RFC3: variants seen among roughly 807,000 people sequenced by gnomAD.
The protein encoded by RFC3 is replication factor C subunit 3, also known as A1 38 kDa subunit.
A neutral mutation model predicts 45.1 loss-of-function variants in RFC3; 41 were observed. The ratio of observed to expected loss-of-function variants is 0.91; its 90% CI spans 0.71 to 1.18. The LOEUF is 1.18. Ranked by LOEUF, RFC3 falls within the 50% of genes most tolerant of loss-of-function variation. RFC3 has a pLI of 0.00. For missense variants in RFC3, 423 were observed against 428.1 expected (o/e 0.99, Z 0.10); for synonymous variants, 149 against 144.0 (o/e 1.03, Z -0.25).
intron 8 of RFC3, among the ~76,000 whole-genome samples, chr13:33,927,997 A>G (rs1290366569): frequency 1.3e-5 from 2 of 151,996 alleles, no homozygotes; most frequent in Non-Finnish European, 2.9e-5. Context: ...ACATCTAATA[A>G]CTCATTTAGT....
intron 8 of RFC3, among the ~76,000 whole-genome samples, chr13:33,852,772 C>A (rs1270710480): frequency 6.6e-6 from 1 of 152,108 alleles, no homozygotes. Context: ...CTTCTGTAGC[C>A]TGGGAAGAAA....
intron 8 of RFC3, among the ~76,000 whole-genome samples, chr13:33,945,151 G>A (rs1017096810): frequency 5.3e-5 from 8 of 152,034 alleles, no homozygotes; most frequent in Non-Finnish European, 1.2e-4. Flanking sequence ...CATCTCTATG[G>A]CCTTTGCCTC....
chr13:33,863,650 C>G (rs536237343), intron 8 of RFC3, among the ~76,000 whole-genome samples: 145 of 152,322 alleles, frequency 9.5e-4, no homozygotes, highest in African/African-American at 3.4e-3. Context: ...TGGCTTCTCC[C>G]TGGTACAATG....
chr13:33,868,232 C>G (rs2082386109), intron 8 of RFC3, among the ~76,000 whole-genome samples: 1 of 152,160 alleles, frequency 6.6e-6, no homozygotes, highest in South Asian at 2.1e-4. Flanking sequence ...ACACCCTTCC[C>G]TTCCATTTGT....
At chr13:33,935,366 C>CA (rs2082879614) in intron 8 of RFC3, among the ~76,000 whole-genome samples, 2 of 152,050 alleles carry the variant, frequency 1.3e-5, no homozygotes, top group Non-Finnish European at 2.9e-5. Flanking sequence ...TTCCATAATG[C>CA]AAAAAAGTTG....
At chr13:33,973,692 C>T in the RFC3 span, among the ~76,000 whole-genome samples, 17 of 150,392 alleles carry the variant, frequency 1.1e-4, no homozygotes, top group Non-Finnish European at 2.5e-4. Context: ...ACTCTGTTGC[C>T]CAGGCTGGAG....
intron 8 of RFC3, among the ~76,000 whole-genome samples, chr13:33,943,654 G>A (rs1317188913): frequency 1.3e-5 from 2 of 152,160 alleles, no homozygotes; most frequent in African/African-American, 4.8e-5. Context: ...GGATGGGGCT[G>A]AAATTCCATC....
At position 33,835,962 on chromosome 13, in the gene RFC3, T is replaced by C. The variant is rs892146780; in HGVS notation, c.880-142T>C. The C allele has an allele frequency of 1.5e-5, 13 of 887,376 alleles. No homozygotes were observed. The African/African-American group carries it at 2.0e-4, about 14-fold the overall frequency. The allele number at this position is 887,376 out of a possible 1,614,324, so 55.0% of individuals were successfully genotyped here. A position where few individuals can be genotyped will look rare whatever the true frequency, so the allele number is the denominator to read the frequency against. On this transcript the variant is annotated intron_variant, in intron 8 of 8. Transcript: ENST00000380071. ...CAAAGTTTTTGCTTTTGGATGAAGG[T>C]CGTTGATTCACATAAAAAATTAAAG...
In RFC3 at chr13:33,836,577, T is replaced by A. The variant is rs2082157061; in HGVS notation, c.*282T>A. The A allele has an allele frequency of 1.8e-6, 2 of 1,089,456 alleles. No homozygotes were observed. Among genetic ancestry groups the A allele is most frequent in the Non-Finnish European group, 2.2e-6 (2 of 893,970 alleles). 67.5% of individuals were successfully genotyped at this position (1,089,456 alleles called of 1,614,324 possible). On this transcript the variant is annotated 3_prime_UTR_variant, in exon 9 of 9. Transcript: ENST00000380071. Reference sequence around the variant, plus strand: ...TTCAAGTATTCATTGTTGATCCTCCTATTCTCTTCCGTCTAATCTCTCACC... The same window carrying A: ...TTCAAGTATTCATTGTTGATCCTCCAATTCTCTTCCGTCTAATCTCTCACC...
intron 8 of RFC3, among the ~76,000 whole-genome samples, chr13:33,880,588 TAATTTTATTTA>T (rs1418036100): frequency 6.6e-6 from 1 of 152,232 alleles, no homozygotes; most frequent in East Asian, 1.9e-4. Flanking sequence ...ACTGAATTTT[TAATTTTATTTA>T]AATTTTATTT....
chr13:33,879,861 T>C, intron 8 of RFC3, among the ~76,000 whole-genome samples: 1 of 152,236 alleles, frequency 6.6e-6, no homozygotes, highest in East Asian at 1.9e-4. Context: ...GAATCTGTTT[T>C]CTTGCCTTTC....
At chr13:33,867,396 G>GT (rs2082380379) in intron 8 of RFC3, among the ~76,000 whole-genome samples, 1 of 152,160 alleles carries the variant, frequency 6.6e-6, no homozygotes, top group African/African-American at 2.4e-5. Context: ...AATCATTTTA[G>GT]TACCTCAAGG....
intron 8 of RFC3, among the ~76,000 whole-genome samples, chr13:33,889,437 C>G (rs1168799170): frequency 6.6e-6 from 1 of 152,120 alleles, no homozygotes; most frequent in East Asian, 1.9e-4. Flanking sequence ...ATAGTTGACA[C>G]ATAATAATTG....
intron 8 of RFC3, among the ~76,000 whole-genome samples, chr13:33,904,752 C>T (rs749253791): frequency 6.6e-6 from 1 of 152,034 alleles, no homozygotes; most frequent in South Asian, 2.1e-4. Flanking sequence ...ATTTAACATG[C>T]CCACGTCTCC....
At chr13:33,886,805 C>T (rs983277435) in intron 8 of RFC3, among the ~76,000 whole-genome samples, 1 of 128,580 alleles carries the variant, frequency 7.8e-6, no homozygotes, top group Admixed American at 9.0e-5. Context: ...CCACAACAGT[C>T]CCCAGAGTGT....
chr13:33,849,064 G>GACAGA (rs2082259182), intron 8 of RFC3: 1 of 33,778 alleles, frequency 3.0e-5, no homozygotes, highest in African/African-American at 5.7e-5. Context: ...AGATAGACAG[G>GACAGA]CAGACAGACA....
At chr13:33,874,010 ATC>A (rs2082429796) in intron 8 of RFC3, among the ~76,000 whole-genome samples, 2 of 152,096 alleles carry the variant, frequency 1.3e-5, no homozygotes, top group Admixed American at 6.6e-5. Flanking sequence ...TCAAATTCTA[ATC>A]TCTCTATAAA....
chr13:33,939,332 C>G (rs1042424206), intron 8 of RFC3, among the ~76,000 whole-genome samples: 13 of 152,106 alleles, frequency 8.5e-5, no homozygotes. Context: ...CCACCACCCT[C>G]TGGGAAGAGT....
At chr13:33,859,565 A>G (rs2082327749) in intron 8 of RFC3, among the ~76,000 whole-genome samples, 1 of 152,200 alleles carries the variant, frequency 6.6e-6, no homozygotes. Context: ...AAAGGAGCAT[A>G]ATTTTAGCAG....
Sources: allele counts gnomAD v4.1 joint callset (sites outside exome capture counted in the v4.1 genomes callset), GRCh38; gene constraint gnomAD v4.1.1; transcripts MANE v1.5; gene names NCBI Gene and HGNC (gene_info 2026-07-23, HGNC 2026-07-21).